The following CAMK2D variants were observed in gnomAD, a reference collection of about 807,000 sequenced individuals.
The protein encoded by CAMK2D is calcium/calmodulin-dependent protein kinase type II subunit delta.
Under a neutral mutation model 84.0 loss-of-function variants are expected in CAMK2D, and 37 were observed. That is an observed-to-expected ratio of 0.44 (90% CI 0.34 to 0.58). The LOEUF (loss-of-function observed/expected upper bound fraction) is 0.58. Among genes scored for constraint, CAMK2D ranks in the 20% least tolerant of loss-of-function variants. The pLI is 0.02. For missense variants in CAMK2D, 448 were observed against 652.5 expected (o/e 0.69, Z 3.41); for synonymous variants, 202 against 212.5 (o/e 0.95, Z 0.43).
At chr4:113,741,883 G>A (rs1367132961) in intron 2 of CAMK2D, among the ~76,000 whole-genome samples, 1 of 152,046 alleles carries the variant, frequency 6.6e-6, no homozygotes, top group Non-Finnish European at 1.5e-5. Context: ...TGGTCCTTTG[G>A]CCTGGAATGT....
intron 3 of CAMK2D, among the ~76,000 whole-genome samples, chr4:113,630,140 T>C: frequency 6.6e-6 from 1 of 152,178 alleles, no homozygotes; most frequent in Non-Finnish European, 1.5e-5. Flanking sequence ...TGCGTAGTTA[T>C]TTTCAATGAA....
At position 113,756,821 on chromosome 4, in the gene CAMK2D, C is replaced by G. The variant is rs2099629653; in HGVS notation, c.160+2499G>C. Among the ~76,000 whole-genome samples the G allele has an allele frequency of 2.6e-5, 4 of 152,000 alleles. No individual in the cohort carries two copies. The South Asian group carries it at 8.3e-4, about 31-fold the overall frequency. On this transcript the variant is annotated intron_variant, in intron 2 of 20. Coordinates refer to ENST00000511664, the MANE Select transcript of CAMK2D (RefSeq NM_001321571.2). ...AATGAAAGCATGGTATTTTCTTCTT[C>G]AAGAGTTTATAATTCAATATGAGTA... is the stretch of plus-strand genomic sequence containing the variant.
At chr4:113,673,187 TGA>T (rs1269601442) in intron 2 of CAMK2D, among the ~76,000 whole-genome samples, 1 of 152,168 alleles carries the variant, frequency 6.6e-6, no homozygotes, top group Non-Finnish European at 1.5e-5. Flanking sequence ...TGGAAGGGAA[TGA>T]GTGTCTCTGA....
At position 113,623,383 on chromosome 4, in the gene CAMK2D, T is replaced by TACAC. The variant is rs144980152; in HGVS notation, c.221-14181_221-14178dup. On this transcript the variant is annotated intron_variant, in intron 3 of 20. Transcript: ENST00000511664. ...TCAATGATCTATCATGATGTGTATA[T>TACAC]ACACACACACACACACACACCCACA... 5.7e-4 allele frequency among the ~76,000 whole-genome samples: 86 copies of TACAC among 150,602 alleles called. 2 individuals are homozygous for TACAC. Among genetic ancestry groups the TACAC allele is most frequent in the Middle Eastern group, 3.4e-3 (1 of 292 alleles).
intron 3 of CAMK2D, among the ~76,000 whole-genome samples, chr4:113,622,727 G>A (rs145756557): frequency 6.6e-6 from 1 of 152,292 alleles, no homozygotes. Context: ...TTGCACCACT[G>A]CGCTCCAACC....
chr4:113,451,384 A>G lies in CAMK2D; in HGVS notation c.*3161T>C, dbSNP rs2097256908. 1 of 152,218 alleles carries G rather than the reference A, an allele frequency of 6.6e-6. No individual in the cohort carries two copies. The highest frequency in any genetic ancestry group is 1.5e-5 in the Non-Finnish European group (1 of 68,046). The allele number at this position is 152,218 out of a possible 1,614,324, so 9.4% of individuals were successfully genotyped here. On this transcript the variant is annotated 3_prime_UTR_variant, in exon 21 of 21. Transcript: ENST00000511664. ...AACAATAGGAATATTAATGTCAGTG[A>G]TCAGAATAGTTATACTGCTACCATT... is the stretch of plus-strand genomic sequence containing the variant.
rs191984865 is a variant in CAMK2D, at chr4:113,724,474, A to C, written c.160+34846T>G. 2.5e-3 allele frequency among the ~76,000 whole-genome samples: 385 copies of C among 151,932 alleles called. 1 individual carries two copies. The highest frequency in any genetic ancestry group is 6.8e-3 in the Middle Eastern group (2 of 292). ...TTTCAATTAATCTATTAAAATATGT[A>C]AGAAATATTAATGTATTTAATAAAT... is the stretch of plus-strand genomic sequence containing the variant. On this transcript the variant is annotated intron_variant, in intron 2 of 20. Transcript: ENST00000511664.
chr4:113,553,075 G>T (rs1006836782), intron 4 of CAMK2D, among the ~76,000 whole-genome samples: 1 of 152,138 alleles, frequency 6.6e-6, no homozygotes, highest in African/African-American at 2.4e-5. Context: ...GTTTAACCTT[G>T]TAAGAGCTAA....
intron 2 of CAMK2D, among the ~76,000 whole-genome samples, chr4:113,730,007 C>A (rs556919064): frequency 6.6e-6 from 1 of 152,254 alleles, no homozygotes; most frequent in African/African-American, 2.4e-5. Context: ...CTTGAAGAGA[C>A]TAAGACACAC....
chr4:113,666,307 G>A (rs1386422281), intron 2 of CAMK2D, among the ~76,000 whole-genome samples: 1 of 152,078 alleles, frequency 6.6e-6, no homozygotes, highest in African/African-American at 2.4e-5. Flanking sequence ...CCTTGTTGGG[G>A]GGTTGGGGGA....
chr4:113,759,787 T>C (rs1297881225), intron 1 of CAMK2D, among the ~76,000 whole-genome samples: 1 of 152,178 alleles, frequency 6.6e-6, no homozygotes, highest in African/African-American at 2.4e-5. Flanking sequence ...CCTACTTATT[T>C]TGGTAGGAAA....
chr4:113,644,825 A>C (rs1355601271), intron 3 of CAMK2D, among the ~76,000 whole-genome samples: 3 of 152,086 alleles, frequency 2.0e-5, no homozygotes, highest in Non-Finnish European at 4.4e-5. Context: ...AAATAAAGCT[A>C]TTTGTCAGAT....
intron 2 of CAMK2D, among the ~76,000 whole-genome samples, chr4:113,756,058 C>T (rs1004911916): frequency 3.9e-5 from 6 of 152,028 alleles, no homozygotes; most frequent in African/African-American, 9.6e-5. Flanking sequence ...GTTCTATGCA[C>T]GCACATGCTA....
rs752650480 is a variant in CAMK2D at position 113,453,999 on chromosome 4, T to C, written c.*546A>G. 6.6e-6 allele frequency: 1 copy of C among 152,118 alleles called. No individual in the cohort carries two copies. The highest frequency in any genetic ancestry group is 2.4e-5 in the African/African-American group (1 of 41,280). 9.4% of individuals were successfully genotyped at this position (152,118 alleles called of 1,614,324 possible). On this transcript the variant is annotated 3_prime_UTR_variant, in exon 21 of 21. Coordinates refer to ENST00000511664, the MANE Select transcript of CAMK2D (RefSeq NM_001321571.2). ...TTGCCCACATATCATCCCACTTTAA[T>C]TGTTAATCAGCAAAACTTTCAATGA...
chr4:113,743,446 T>C (rs1272619238), intron 2 of CAMK2D, among the ~76,000 whole-genome samples: 2 of 152,198 alleles, frequency 1.3e-5, no homozygotes, highest in Non-Finnish European at 2.9e-5. Flanking sequence ...TTACTACTAC[T>C]GCACAATGCT....
chr4:113,600,061 T>G (rs1183201390), intron 4 of CAMK2D, among the ~76,000 whole-genome samples: 1 of 152,184 alleles, frequency 6.6e-6, no homozygotes, highest in Non-Finnish European at 1.5e-5. Flanking sequence ...TGTATGATTC[T>G]AACTATATGA....
chr4:113,667,921 G>T (rs1008187461), intron 2 of CAMK2D, among the ~76,000 whole-genome samples: 23 of 152,128 alleles, frequency 1.5e-4, no homozygotes, highest in Admixed American at 5.9e-4. Context: ...AGTAGAATTA[G>T]ATATAGATGC....
chr4:113,463,107 T>A (rs2097410788), intron 17 of CAMK2D, among the ~76,000 whole-genome samples: 2 of 152,204 alleles, frequency 1.3e-5, no homozygotes, highest in Non-Finnish European at 2.9e-5. Flanking sequence ...TATATGCATG[T>A]GTTTATACAT....
At chr4:113,680,722 C>T (rs1368476729) in intron 2 of CAMK2D, among the ~76,000 whole-genome samples, 7 of 152,160 alleles carry the variant, frequency 4.6e-5, no homozygotes, top group African/African-American at 1.4e-4. Flanking sequence ...ATAGAACAAA[C>T]GTTCTTTGTG....
Sources: gnomAD v4.1 joint callset for allele counts (sites outside exome capture counted in the v4.1 genomes callset) on GRCh38, gnomAD v4.1.1 for gene constraint, MANE v1.5 for transcripts, NCBI Gene and HGNC (gene_info 2026-07-23, HGNC 2026-07-21) for gene names.